BLTP3B: variants seen among roughly 807,000 people sequenced by gnomAD.
BLTP3B encodes the protein bridge-like lipid transfer protein family member 3B.
At chr12:100,096,430 T>C in the BLTP3B span, among the ~76,000 whole-genome samples, 1 of 152,178 alleles carries the variant, frequency 6.6e-6, no homozygotes, top group Non-Finnish European at 1.5e-5. Context: ...ATTACTTGTA[T>C]TAATTCAAAG....
At chr12:100,093,469 CAT>C in the BLTP3B span, among the ~76,000 whole-genome samples, 4 of 152,214 alleles carry the variant, frequency 2.6e-5, no homozygotes, top group Admixed American at 6.5e-5. Flanking sequence ...TCTTCCTTCA[CAT>C]GTGTTGAAAA....
the BLTP3B span, among the ~76,000 whole-genome samples, chr12:100,046,564 C>T: frequency 7.9e-6 from 1 of 126,554 alleles, no homozygotes; most frequent in Non-Finnish European, 1.6e-5. Context: ...CATCATATAC[C>T]AGGGCCTGTT....
At chr12:100,048,734 G>GA in the BLTP3B span, among the ~76,000 whole-genome samples, 2 of 138,658 alleles carry the variant, frequency 1.4e-5, no homozygotes, top group Non-Finnish European at 3.1e-5. Context: ...AGTAAGGGGG[G>GA]GGAGAGAGAG....
At chr12:100,086,204 C>G in the BLTP3B span, 1 of 999,474 alleles carries the variant, frequency 1.0e-6, no homozygotes, top group Non-Finnish European at 1.4e-6. Context: ...CAAGATAAAA[C>G]TAAACTAAAT....
chr12:100,087,368 T>C, the BLTP3B span, among the ~76,000 whole-genome samples: 1 of 152,120 alleles, frequency 6.6e-6, no homozygotes, highest in Non-Finnish European at 1.5e-5. Flanking sequence ...ACTCCCTATA[T>C]TAATTTGTAA....
At chr12:100,077,411 A>G in the BLTP3B span, among the ~76,000 whole-genome samples, 1 of 152,264 alleles carries the variant, frequency 6.6e-6, no homozygotes, top group Admixed American at 6.5e-5. Context: ...TAAAGTAAGT[A>G]GTAACTGCAT....
the BLTP3B span, among the ~76,000 whole-genome samples, chr12:100,114,063 T>C: frequency 6.6e-6 from 1 of 152,184 alleles, no homozygotes; most frequent in Admixed American, 6.5e-5. Flanking sequence ...AGAAAGTAAA[T>C]TATTTCAGCA....
the BLTP3B span, among the ~76,000 whole-genome samples, chr12:100,067,409 T>A: frequency 6.6e-6 from 1 of 152,100 alleles, no homozygotes; most frequent in South Asian, 2.1e-4. Flanking sequence ...AAAAGCTGTT[T>A]CTTTGAAAAG....
chr12:100,084,375 TGATCACACACACA>T, the BLTP3B span: 3 of 1,092,712 alleles, frequency 2.7e-6, no homozygotes, highest in Non-Finnish European at 3.8e-6. Context: ...GGAAATACTA[TGATCACACACACA>T]CACACACACA....
the BLTP3B span, among the ~76,000 whole-genome samples, chr12:100,068,883 C>A: frequency 1.3e-5 from 2 of 152,138 alleles, no homozygotes; most frequent in Non-Finnish European, 2.9e-5. Flanking sequence ...TACTTCCACA[C>A]CGCTGGTGGG....
chr12:100,054,321 T>C, the BLTP3B span, among the ~76,000 whole-genome samples: 1 of 152,264 alleles, frequency 6.6e-6, no homozygotes, highest in African/African-American at 2.4e-5. Context: ...TACATATATA[T>C]GGGTACATAC....
At chr12:100,060,258 A>G in the BLTP3B span, among the ~76,000 whole-genome samples, 1 of 152,214 alleles carries the variant, frequency 6.6e-6, no homozygotes, top group Admixed American at 6.5e-5. Flanking sequence ...AAATGTTTTA[A>G]TATTTCAAAA....
At chr12:100,051,249 A>T in the BLTP3B span, 1 of 1,601,676 alleles carries the variant, frequency 6.2e-7, no homozygotes, top group Non-Finnish European at 8.5e-7. Flanking sequence ...TAAATTAATA[A>T]ATTAAAGTCA....
the BLTP3B span, among the ~76,000 whole-genome samples, chr12:100,118,388 TCAAAA>T: frequency 1.4e-4 from 22 of 151,840 alleles, no homozygotes; most frequent in Admixed American, 3.3e-4. Flanking sequence ...TGAGACCGTC[TCAAAA>T]CAAAACAAAA....
At chr12:100,140,729 A>AAAAAAAAAT in the BLTP3B span, among the ~76,000 whole-genome samples, 6 of 61,488 alleles carry the variant, frequency 9.8e-5, no homozygotes, top group East Asian at 3.4e-4. Context: ...AAAAAAAAAA[A>AAAAAAAAAT]ATATATATAT....
chr12:100,110,421 C>T, the BLTP3B span, among the ~76,000 whole-genome samples: 1 of 152,104 alleles, frequency 6.6e-6, no homozygotes, highest in Non-Finnish European at 1.5e-5. Context: ...CATAGAATGC[C>T]ATTCCTAACC....
the BLTP3B span, chr12:100,051,600 C>A: frequency 6.3e-6 from 1 of 159,732 alleles, no homozygotes; most frequent in South Asian, 1.9e-4. Context: ...TAACATAGTG[C>A]TTGGCAATGT....
chr12:100,059,306 G>A, the BLTP3B span: 1 of 1,614,022 alleles, frequency 6.2e-7, no homozygotes, highest in Non-Finnish European at 8.5e-7. Context: ...CATGTCTCTG[G>A]AAAATTGGAT....
chr12:100,042,721 C>G, the BLTP3B span, among the ~76,000 whole-genome samples: 5 of 152,210 alleles, frequency 3.3e-5, no homozygotes, highest in Admixed American at 6.5e-5. Context: ...CATCAGTCAG[C>G]AGCCATCAAC....
Sources: allele counts gnomAD v4.1 joint callset (sites outside exome capture counted in the v4.1 genomes callset), GRCh38; gene constraint gnomAD v4.1.1; transcripts MANE v1.5; gene names NCBI Gene and HGNC (gene_info 2026-07-23, HGNC 2026-07-21).